Variants in COMMD10 observed in about 807,000 individuals in gnomAD.
The protein encoded by COMMD10 is COMM domain-containing protein 10.
A neutral mutation model predicts 28.9 loss-of-function variants in COMMD10; 33 were observed. The ratio of observed to expected loss-of-function variants is 1.14; its 90% CI spans 0.87 to 1.53. The LOEUF (loss-of-function observed/expected upper bound fraction) is 1.53. Ranked by LOEUF, COMMD10 falls within the 40% of genes most tolerant of loss-of-function variation. COMMD10 has a pLI of 0.00. For synonymous variants in COMMD10, 110 were observed against 81.7 expected, an observed-to-expected ratio of 1.35 and a Z score of -1.87; for missense variants, 310 against 233.4, an observed-to-expected ratio of 1.33 and a Z score of -2.14.
chr5:116,283,547 A>G (rs955099890), intron 5 of COMMD10, among the ~76,000 whole-genome samples: 1 of 151,486 alleles, frequency 6.6e-6, no homozygotes, highest in Non-Finnish European at 1.5e-5. Context: ...GGGTTTCACC[A>G]TGTTGTCCAG....
intron 5 of COMMD10, among the ~76,000 whole-genome samples, chr5:116,135,328 A>G (rs957574122): frequency 2.6e-5 from 4 of 152,232 alleles, no homozygotes. Context: ...TCATTCTATT[A>G]TGCAGGTTTC....
intron 4 of COMMD10, among the ~76,000 whole-genome samples, chr5:116,120,016 T>A (rs1751372577): frequency 6.6e-6 from 1 of 152,156 alleles, no homozygotes; most frequent in Non-Finnish European, 1.5e-5. Context: ...ATAGCTGTAT[T>A]TCCATGAGAT....
At chr5:116,177,439 C>T (rs1319038111) in intron 5 of COMMD10, among the ~76,000 whole-genome samples, 1 of 151,972 alleles carries the variant, frequency 6.6e-6, no homozygotes, top group African/African-American at 2.4e-5. Context: ...ATCTTCCTGC[C>T]TTCAGAATCT....
intron 4 of COMMD10, among the ~76,000 whole-genome samples, chr5:116,106,974 C>G (rs1206473621): frequency 6.6e-6 from 1 of 152,150 alleles, no homozygotes; most frequent in Non-Finnish European, 1.5e-5. Context: ...TTAGCTCAGT[C>G]ACATTAAAGA....
At chr5:116,224,582 T>C (rs1749344872) in intron 5 of COMMD10, among the ~76,000 whole-genome samples, 1 of 152,154 alleles carries the variant, frequency 6.6e-6, no homozygotes, top group Admixed American at 6.6e-5. Flanking sequence ...TGCCGCACTC[T>C]TTTAAACAAC....
chr5:116,216,684 C>T (rs1468143626), intron 5 of COMMD10, among the ~76,000 whole-genome samples: 2 of 152,068 alleles, frequency 1.3e-5, no homozygotes, highest in Non-Finnish European at 2.9e-5. Context: ...CAGGTGTGCG[C>T]CACCACGCCC....
At chr5:116,112,161 A>C (rs1751066461) in intron 4 of COMMD10, among the ~76,000 whole-genome samples, 1 of 152,104 alleles carries the variant, frequency 6.6e-6, no homozygotes, top group Admixed American at 6.5e-5. Flanking sequence ...GATTATTTCT[A>C]CTTCATTTAT....
intron 4 of COMMD10, among the ~76,000 whole-genome samples, chr5:116,120,782 C>T (rs1339506826): frequency 1.3e-5 from 2 of 151,380 alleles, no homozygotes; most frequent in Admixed American, 6.6e-5. Context: ...TAGTATTCTA[C>T]CATTTGGATA....
intron 5 of COMMD10, among the ~76,000 whole-genome samples, chr5:116,222,053 A>G (rs574317800): frequency 1.3e-5 from 2 of 152,342 alleles, no homozygotes; most frequent in South Asian, 2.1e-4. Context: ...TGATAAGTGT[A>G]TATGTTCCAA....
intron 5 of COMMD10, among the ~76,000 whole-genome samples, chr5:116,169,198 C>T (rs1753237492): frequency 6.6e-6 from 1 of 152,032 alleles, no homozygotes; most frequent in South Asian, 2.1e-4. Flanking sequence ...TACAAACTAC[C>T]ATCAGAGAAT....
In COMMD10 at chr5:116,087,970, G is replaced by A. The variant is rs577271515; in HGVS notation, c.132+383G>A. ...TCTGATGTCTTGGTTTTATTTTTCC[G>A]CTTAAAAATAATTCTGTGGTATTTT... On this transcript the variant is annotated intron_variant, in intron 2 of 6. Coordinates refer to ENST00000274458, the MANE Select transcript of COMMD10 (RefSeq NM_016144.4). 1.7e-3 allele frequency among the ~76,000 whole-genome samples: 261 copies of A among 152,130 alleles called. 1 individual carries two copies. The highest frequency in any genetic ancestry group is 5.8e-3 in the African/African-American group (242 of 41,490).
intron 5 of COMMD10, among the ~76,000 whole-genome samples, chr5:116,263,447 C>G (rs1016139223): frequency 2.6e-5 from 4 of 151,824 alleles, no homozygotes; most frequent in African/African-American, 9.7e-5. Context: ...TGCAAAGTCT[C>G]TTGTGGGAAA....
intron 5 of COMMD10, among the ~76,000 whole-genome samples, chr5:116,169,050 A>G (rs10058876): frequency 0.011 from 1,641 of 152,270 alleles, 37 homozygotes; most frequent in African/African-American, 0.036. Context: ...AAAAAAATCA[A>G]TGAATCCAGG....
chr5:116,128,420 C>T (rs1751734044), intron 4 of COMMD10, among the ~76,000 whole-genome samples: 1 of 151,662 alleles, frequency 6.6e-6, no homozygotes, highest in African/African-American at 2.4e-5. Context: ...AGTGTAAGGA[C>T]CCTCAGATTT....
chr5:116,246,363 C>T (rs547304901), intron 5 of COMMD10, among the ~76,000 whole-genome samples: 50 of 152,032 alleles, frequency 3.3e-4, no homozygotes, highest in African/African-American at 1.1e-3. Flanking sequence ...ATTTCATGCT[C>T]ATGAACAAGA....
At chr5:116,273,749 T>C (rs1561403803) in intron 5 of COMMD10, among the ~76,000 whole-genome samples, 1 of 151,678 alleles carries the variant, frequency 6.6e-6, no homozygotes, top group Non-Finnish European at 1.5e-5. Flanking sequence ...CTTCTGTTTG[T>C]AGATGAACTG....
At position 116,086,781 on chromosome 5, in the gene COMMD10, C is replaced by T. The variant is rs906265623; in HGVS notation, c.42-716C>T. Among the ~76,000 whole-genome samples, 9 of 152,136 alleles carry T rather than the reference C, an allele frequency of 5.9e-5. No homozygotes were observed. The East Asian group carries it at 1.7e-3, about 30-fold the overall frequency. ...CTGATTGAGCTCAGGAGTTCAAGAC[C>T]AGCCTGGGCAACAGGGCAAAACTCT... On this transcript the variant is annotated intron_variant, in intron 1 of 6. Coordinates refer to ENST00000274458, the MANE Select transcript of COMMD10 (RefSeq NM_016144.4).
chr5:116,154,368 G>C (rs10055039), intron 5 of COMMD10, among the ~76,000 whole-genome samples: 128,228 of 152,188 alleles, frequency 0.84, 54,351 homozygotes, highest in African/African-American at 0.92. Context: ...TGTTAGTGAT[G>C]TCAAAAGTTA....
intron 5 of COMMD10, among the ~76,000 whole-genome samples, chr5:116,171,827 A>C (rs1283651845): frequency 6.6e-6 from 1 of 151,750 alleles, no homozygotes; most frequent in Non-Finnish European, 1.5e-5. Flanking sequence ...GGGGCCTGTC[A>C]CGGGTGTGGG....
Sources: allele counts gnomAD v4.1 joint callset (sites outside exome capture counted in the v4.1 genomes callset), GRCh38; gene constraint gnomAD v4.1.1; transcripts MANE v1.5; gene names NCBI Gene and HGNC (gene_info 2026-07-23, HGNC 2026-07-21).